The following PHAF1 variants were observed in gnomAD, a reference collection of about 807,000 sequenced individuals.
The protein encoded by PHAF1 is phagosome assembly factor 1.
In PHAF1, 23 loss-of-function variants were observed where a neutral mutation model predicts 63.1. The ratio of observed to expected loss-of-function variants is 0.36; its 90% CI spans 0.26 to 0.52. The LOEUF (loss-of-function observed/expected upper bound fraction) is 0.52. PHAF1 is among the 20% of genes least tolerant of loss of function. PHAF1 has a pLI of 0.93. For synonymous variants in PHAF1, 167 were observed against 185.0 expected (o/e 0.90, Z 0.79); for missense variants, 427 against 517.2 (o/e 0.83, Z 1.69).
rs569202162 is a variant in PHAF1 at position 67,147,560 on chromosome 16, T to C, written c.*429T>C. On this transcript the variant is annotated 3_prime_UTR_variant, in exon 16 of 16. Transcript: ENST00000219139. ...CCACATGACCCTTAAGGCAAGCAGG[T>C]AGCGTGTCCATAGTACTTGGTTGCG... 38 of 170,388 alleles carry C rather than the reference T, an allele frequency of 2.2e-4. No homozygotes were observed. Among genetic ancestry groups the C allele is most frequent in the Non-Finnish European group, 3.4e-4 (27 of 80,146 alleles). The allele number at this position is 170,388 out of a possible 1,614,324, so 10.6% of individuals were successfully genotyped here.
chr16:67,133,671 T>C (rs1214609650), intron 6 of PHAF1, among the ~76,000 whole-genome samples: 1 of 151,882 alleles, frequency 6.6e-6, no homozygotes, highest in Non-Finnish European at 1.5e-5. Context: ...TCCCAGCTAC[T>C]TGGGAGGCTG....
intron 14 of PHAF1, among the ~76,000 whole-genome samples, 159 bp from the exon 15 acceptor site, chr16:67,146,119 C>A (rs1270927772): frequency 4.6e-5 from 7 of 152,170 alleles, no homozygotes; most frequent in Admixed American, 1.3e-4. Context: ...GAGACCATCC[C>A]TACCCCTAGG....
At chr16:67,114,347 T>A (rs114413279) in intron 1 of PHAF1, among the ~76,000 whole-genome samples, 3,087 of 151,260 alleles carry the variant, frequency 0.02, 97 homozygotes, top group African/African-American at 0.07. Flanking sequence ...AATAAATAAA[T>A]AAAAATTTAA....
At chr16:67,135,220 T>C (rs1253155001) in intron 8 of PHAF1, 1 of 153,564 alleles carries the variant, frequency 6.5e-6, no homozygotes, top group Non-Finnish European at 1.4e-5. Flanking sequence ...CGATCTCAGC[T>C]TACTGCACCC....
At chr16:67,114,525 A>G (rs1962658532) in intron 1 of PHAF1, among the ~76,000 whole-genome samples, 1 of 151,574 alleles carries the variant, frequency 6.6e-6, no homozygotes, top group Non-Finnish European at 1.5e-5. Context: ...TTCCTGCCAA[A>G]CAACAGGAGC....
At chr16:67,116,822 C>T (rs1482674013) in intron 1 of PHAF1, among the ~76,000 whole-genome samples, 1 of 152,102 alleles carries the variant, frequency 6.6e-6, no homozygotes, top group Non-Finnish European at 1.5e-5. Context: ...TACACTCCAG[C>T]CTGGGTGACA....
At chr16:67,134,501 C>T in intron 8 of PHAF1, 34 bp downstream of exon 8, 1 of 1,507,598 alleles carries the variant, frequency 6.6e-7, no homozygotes, top group East Asian at 2.3e-5. Context: ...GTACATTCCG[C>T]ATTATACCCA....
At chr16:67,123,020 C>T (rs1963046924) in intron 2 of PHAF1, among the ~76,000 whole-genome samples, 1 of 152,116 alleles carries the variant, frequency 6.6e-6, no homozygotes, top group South Asian at 2.1e-4. Context: ...TGAGCCACCA[C>T]ACCCAGCCTA....
chr16:67,132,467 G>A lies in PHAF1; in HGVS notation c.297G>A (p.Gln99=), dbSNP rs1354962642. ...TCAGTGGCGTGCATTTTAATTCTCA[G>A]GCCATAGCTCCTACCATTGAACAGA... The part of the protein sequence containing the change: ...LKYCGVHFNS[Q]AIAPTIEQID... Residue 99 remains glutamine (Q), a synonymous_variant, in exon 5 of 16, where the codon CAG becomes CAA. Transcript: ENST00000219139. 1.9e-6 allele frequency: 3 copies of A among 1,610,100 alleles called. No individual in the cohort carries two copies. In the Admixed American group the frequency reaches 5.0e-5, roughly 27 times the overall value.
intron 3 of PHAF1, among the ~76,000 whole-genome samples, chr16:67,127,613 G>A (rs1053038108): frequency 3.9e-5 from 6 of 152,192 alleles, no homozygotes; most frequent in African/African-American, 9.6e-5. Context: ...TGGCTAACAC[G>A]GTGAAACCCC....
Position 67,110,104 on chromosome 16 carries a change from G to T in PHAF1, c.-72G>T. The T allele has an allele frequency of 6.6e-7, 1 of 1,505,354 alleles. No homozygotes were observed. The allele number at this position is 1,505,354 out of a possible 1,614,324, so 93.2% of individuals were successfully genotyped here. A position where few individuals can be genotyped will look rare whatever the true frequency, so the allele number is the denominator to read the frequency against. On this transcript the variant is annotated 5_prime_UTR_variant, in exon 1 of 16. Coordinates refer to ENST00000219139, the MANE Select transcript of PHAF1 (RefSeq NM_025187.5). The stretch of plus-strand genomic sequence containing the variant: ...CGGCGGGGGCGGCCTGTCAGCCGCT[G>T]CTTTGTCTCCTTAGCTCGGGTCCCT...
At chr16:67,121,646 T>A (rs1962981960) in intron 2 of PHAF1, among the ~76,000 whole-genome samples, 1 of 150,800 alleles carries the variant, frequency 6.6e-6, no homozygotes, top group Non-Finnish European at 1.5e-5. Flanking sequence ...AATGGTGCAA[T>A]CTCGGCTCAC....
intron 8 of PHAF1, chr16:67,134,843 A>G: frequency 2.5e-6 from 1 of 395,672 alleles, no homozygotes; most frequent in Non-Finnish European, 5.0e-6. Flanking sequence ...ACCTTCTAAT[A>G]CCATCACCTT....
intron 8 of PHAF1, among the ~76,000 whole-genome samples, chr16:67,137,744 C>T (rs1963663036): frequency 6.6e-6 from 1 of 152,150 alleles, no homozygotes; most frequent in African/African-American, 2.4e-5. Context: ...TTAATCATCC[C>T]AGGAGACAGC....
intron 10 of PHAF1, among the ~76,000 whole-genome samples, chr16:67,141,170 T>C (rs560890313): frequency 2.4e-4 from 36 of 152,338 alleles, no homozygotes; most frequent in Non-Finnish European, 1.9e-4. Flanking sequence ...ACCATGGGTC[T>C]TGTAACCTTT....
chr16:67,125,168 G>C (rs758525370), intron 2 of PHAF1, among the ~76,000 whole-genome samples: 34 of 152,198 alleles, frequency 2.2e-4, no homozygotes, highest in Non-Finnish European at 4.3e-4. Context: ...TGGAGGGAAG[G>C]GATGAAAGTA....
chr16:67,144,288 T>C lies in PHAF1; in HGVS notation c.880-6T>C. On this transcript the variant is annotated splice_polypyrimidine_tract_variant and splice_region_variant and intron_variant, in intron 10 of 15. Transcript: ENST00000219139. ...CCTCCTTGAGTACCCTTGTTTTCTA[T>C]CCCAGGACATCCTCTTTGATGCGAA... 1 of 1,604,706 alleles carries C rather than the reference T, an allele frequency of 6.2e-7. No homozygotes were observed.
chr16:67,119,348 T>G (rs924575714), intron 1 of PHAF1, among the ~76,000 whole-genome samples: 6 of 152,188 alleles, frequency 3.9e-5, no homozygotes, highest in African/African-American at 1.4e-4. Flanking sequence ...AGGAAGACTT[T>G]TTGTATATTC....
At position 67,131,335 on chromosome 16, in the gene PHAF1, T is replaced by C. The variant is rs1385451947; in HGVS notation, c.275+6T>C. The stretch of plus-strand genomic sequence containing the variant: ...AAAGTAAAGTTAAAATATTGGTAAG[T>C]TTTCTCCCCTGCTGGTATATGTCAC... On this transcript the variant is annotated splice_donor_region_variant and intron_variant, in intron 4 of 15. Transcript: ENST00000219139. 2.5e-6 allele frequency: 4 copies of C among 1,582,486 alleles called. No homozygotes were observed.
Sources: gnomAD v4.1 joint callset for allele counts (sites outside exome capture counted in the v4.1 genomes callset) on GRCh38, gnomAD v4.1.1 for gene constraint, MANE v1.5 for transcripts, NCBI Gene and HGNC (gene_info 2026-07-23, HGNC 2026-07-21) for gene names.